The following KCNIP1 variants were observed in gnomAD, a reference collection of about 807,000 sequenced individuals.
KCNIP1 encodes A-type potassium channel modulatory protein KCNIP1.
KCNIP1 carries 18 observed loss-of-function variants against 33.0 expected under a neutral mutation model. The ratio of observed to expected loss-of-function variants is 0.55; its 90% CI spans 0.38 to 0.81. The LOEUF (loss-of-function observed/expected upper bound fraction) is 0.81, where lower values mean the gene tolerates loss of function less well. KCNIP1 is among the 30% of genes least tolerant of loss of function. The probability of loss-of-function intolerance (pLI) is 0.00; values close to 1 mark genes in which losing one functional copy is unlikely to be tolerated. For missense variants in KCNIP1, 238 were observed against 271.6 expected (o/e 0.88, Z 0.87); for synonymous variants, 93 against 98.3 (o/e 0.95, Z 0.32).
intron 1 of KCNIP1, among the ~76,000 whole-genome samples, chr5:170,616,405 G>A (rs1413590683): frequency 6.6e-6 from 1 of 152,216 alleles, no homozygotes; most frequent in Non-Finnish European, 1.5e-5. Flanking sequence ...TCGTAGTTAA[G>A]GTGGATAATG....
At chr5:170,654,129 C>T (rs925951306) in intron 1 of KCNIP1, among the ~76,000 whole-genome samples, 2 of 152,176 alleles carry the variant, frequency 1.3e-5, no homozygotes, top group African/African-American at 4.8e-5. Flanking sequence ...CCTTGCCCTT[C>T]TTCAGGGTTC....
intron 1 of KCNIP1, among the ~76,000 whole-genome samples, chr5:170,671,300 G>T (rs1761913547): frequency 6.6e-6 from 1 of 152,096 alleles, no homozygotes; most frequent in Admixed American, 6.5e-5. Flanking sequence ...TGTTCCCTGG[G>T]CCCTAGCACT....
chr5:170,427,975 G>A (rs1361580727), intron 1 of KCNIP1, among the ~76,000 whole-genome samples: 3 of 152,206 alleles, frequency 2.0e-5, no homozygotes, highest in African/African-American at 4.8e-5. Flanking sequence ...AGATGTACAA[G>A]TGTGATTTCC....
intron 1 of KCNIP1, among the ~76,000 whole-genome samples, chr5:170,663,197 G>A (rs1013530518): frequency 6.6e-6 from 1 of 152,176 alleles, no homozygotes; most frequent in Non-Finnish European, 1.5e-5. Context: ...CCGAGTCTCG[G>A]AATGACTTGT....
In KCNIP1 at chr5:170,623,685, G is replaced by A. The variant is rs563021419; in HGVS notation, c.62-95073G>A. Among the ~76,000 whole-genome samples the A allele has an allele frequency of 1.4e-3, 219 of 152,280 alleles. 1 individual carries two copies. The highest frequency in any genetic ancestry group is 1.5e-3 in the Non-Finnish European group (103 of 68,032). On this transcript the variant is annotated intron_variant, in intron 1 of 7. Transcript: ENST00000328939. ...GACGAAAAGGGATAGTGAGGATGGC[G>A]GGAGGGGCTGAACTCCAAATGGGCT...
chr5:170,670,782 G>A (rs113519694), intron 1 of KCNIP1, among the ~76,000 whole-genome samples: 221 of 152,210 alleles, frequency 1.5e-3, no homozygotes, highest in African/African-American at 5.2e-3. Context: ...TGCAGTCCCA[G>A]CTACTCAGGA....
intron 1 of KCNIP1, among the ~76,000 whole-genome samples, chr5:170,432,629 G>A (rs1755770177): frequency 6.6e-6 from 1 of 152,292 alleles, no homozygotes; most frequent in East Asian, 1.9e-4. Flanking sequence ...TCTGAAGCTG[G>A]CAAGTGTTCA....
At chr5:170,526,343 G>T (rs915442647) in intron 1 of KCNIP1, among the ~76,000 whole-genome samples, 1 of 152,228 alleles carries the variant, frequency 6.6e-6, no homozygotes, top group East Asian at 1.9e-4. Flanking sequence ...TTCTGTAGAT[G>T]AAGAAAGGGA....
At chr5:170,626,859 C>T (rs1759848911) in intron 1 of KCNIP1, among the ~76,000 whole-genome samples, 1 of 123,718 alleles carries the variant, frequency 8.1e-6, no homozygotes, top group African/African-American at 3.2e-5. Context: ...AGCTTATGAG[C>T]CTGGGTGGGC....
chr5:170,732,049 G>C (rs920493560), intron 5 of KCNIP1, among the ~76,000 whole-genome samples: 2 of 152,102 alleles, frequency 1.3e-5, no homozygotes, highest in Non-Finnish European at 2.9e-5. Flanking sequence ...TGAACTCTCT[G>C]TACTAATTTT....
At chr5:170,374,284 A>T (rs926371902) in intron 1 of KCNIP1, among the ~76,000 whole-genome samples, 1 of 152,224 alleles carries the variant, frequency 6.6e-6, no homozygotes, top group Non-Finnish European at 1.5e-5. Context: ...GAAGCCCCTC[A>T]CAATGATTAG....
At chr5:170,731,601 G>A (rs1008571317) in intron 5 of KCNIP1, among the ~76,000 whole-genome samples, 11 of 151,666 alleles carry the variant, frequency 7.3e-5, no homozygotes, top group Admixed American at 2.0e-4. Flanking sequence ...AGGCTGAGGC[G>A]GGAGGATCAC....
intron 1 of KCNIP1, among the ~76,000 whole-genome samples, chr5:170,555,271 T>G (rs1756805251): frequency 6.6e-6 from 1 of 152,084 alleles, no homozygotes; most frequent in Non-Finnish European, 1.5e-5. Flanking sequence ...TGCATGCACA[T>G]GGGAAATAGC....
At chr5:170,735,020 C>T (rs1764332419) in intron 7 of KCNIP1, among the ~76,000 whole-genome samples, 1 of 152,204 alleles carries the variant, frequency 6.6e-6, no homozygotes, top group Non-Finnish European at 1.5e-5. Context: ...GAAACCCTCA[C>T]CAGATGCAGA....
At chr5:170,383,842 G>T in intron 1 of KCNIP1, 1 of 1,613,806 alleles carries the variant, frequency 6.2e-7, no homozygotes, top group Non-Finnish European at 8.5e-7. Context: ...GGATTCCTGG[G>T]TCCACACGCT....
intron 1 of KCNIP1, among the ~76,000 whole-genome samples, chr5:170,697,383 C>A (rs547788446): frequency 1.3e-5 from 2 of 152,324 alleles, no homozygotes; most frequent in South Asian, 4.1e-4. Flanking sequence ...ATCACACTGC[C>A]TGCCAAAGTG....
intron 1 of KCNIP1, among the ~76,000 whole-genome samples, chr5:170,616,567 G>A (rs1399480978): frequency 1.3e-5 from 2 of 152,174 alleles, no homozygotes; most frequent in African/African-American, 2.4e-5. Context: ...GTTCACGTCT[G>A]TGTGCTCACC....
intron 1 of KCNIP1, among the ~76,000 whole-genome samples, chr5:170,616,367 C>G (rs1048420586): frequency 1.3e-5 from 2 of 152,196 alleles, no homozygotes; most frequent in Non-Finnish European, 2.9e-5. Context: ...AGGGAAAAGG[C>G]ATCCCATCTC....
chr5:170,527,268 G>C (rs927848327), intron 1 of KCNIP1, among the ~76,000 whole-genome samples: 1 of 152,152 alleles, frequency 6.6e-6, no homozygotes, highest in African/African-American at 2.4e-5. Context: ...CTATGTATTT[G>C]TTTATTTGCT....
Sources: gnomAD v4.1 joint callset for allele counts (sites outside exome capture counted in the v4.1 genomes callset) on GRCh38, gnomAD v4.1.1 for gene constraint, MANE v1.5 for transcripts, NCBI Gene and HGNC (gene_info 2026-07-23, HGNC 2026-07-21) for gene names.